Variants in PRKCA observed in about 807,000 individuals in gnomAD.
PRKCA encodes the protein protein kinase C alpha, also known as protein kinase C alpha type.
A neutral mutation model predicts 87.0 loss-of-function variants in PRKCA; 27 were observed. The ratio of observed to expected loss-of-function variants is 0.31; its 90% CI spans 0.23 to 0.43. The LOEUF (loss-of-function observed/expected upper bound fraction) is 0.43. PRKCA is among the 20% of genes least tolerant of loss of function. The probability of loss-of-function intolerance (pLI) is 1.00; values close to 1 mark genes in which losing one functional copy is unlikely to be tolerated. For synonymous variants in PRKCA, 329 were observed against 311.1 expected (o/e 1.06, Z -0.61); for missense variants, 518 against 852.3 (o/e 0.61, Z 4.88).
At chr17:66,475,852 G>A (rs1278203089) in intron 2 of PRKCA, among the ~76,000 whole-genome samples, 3 of 152,090 alleles carry the variant, frequency 2.0e-5, no homozygotes, top group Admixed American at 1.3e-4. Flanking sequence ...CCCTAATTGT[G>A]AGGGGTCCTT....
chr17:66,554,487 G>A lies in PRKCA; in HGVS notation c.288+58204G>A, dbSNP rs183571096. On this transcript the variant is annotated intron_variant, in intron 3 of 16. Transcript: ENST00000413366. ...CTTTGGGCTGGAAGAGAACATTCCC[G>A]TGACTACTCACATCATTTCTATTAC... 1,183 of 906,606 alleles carry A rather than the reference G, an allele frequency of 1.3e-3. 37 individuals are homozygous for A. In the Admixed American group the frequency reaches 0.057, roughly 44 times the overall value. The allele number at this position is 906,606 out of a possible 1,614,324, so 56.2% of individuals were successfully genotyped here. A position where few individuals can be genotyped will look rare whatever the true frequency, so the allele number is the denominator to read the frequency against.
chr17:66,501,291 A>G (rs911016483), intron 3 of PRKCA, among the ~76,000 whole-genome samples: 6 of 152,296 alleles, frequency 3.9e-5, no homozygotes, highest in African/African-American at 1.4e-4. Flanking sequence ...GGCAGAGAAA[A>G]GGCTCCTGGG....
At chr17:66,742,848 A>G in intron 13 of PRKCA, 88 bp downstream of exon 13, 1 of 1,452,338 alleles carries the variant, frequency 6.9e-7, no homozygotes. Context: ...CTGGCGAATC[A>G]TGAAGTCAGT....
At chr17:66,474,234 AC>A (rs1915444639) in intron 2 of PRKCA, among the ~76,000 whole-genome samples, 2 of 152,060 alleles carry the variant, frequency 1.3e-5, no homozygotes, top group Non-Finnish European at 2.9e-5. Flanking sequence ...ACCCAATAAC[AC>A]CGATGGTGCT....
intron 2 of PRKCA, among the ~76,000 whole-genome samples, chr17:66,398,750 C>T (rs181222707): frequency 1.1e-4 from 16 of 152,126 alleles, no homozygotes; most frequent in East Asian, 3.9e-4. Flanking sequence ...GGTGGCGTCG[C>T]GCTACTCATA....
chr17:66,747,404 A>G (rs1018441974), intron 13 of PRKCA, among the ~76,000 whole-genome samples: 1 of 151,942 alleles, frequency 6.6e-6, no homozygotes, highest in Non-Finnish European at 1.5e-5. Context: ...TGCCATGTAG[A>G]GTCTTCCTCA....
At chr17:66,370,863 G>C (rs1355982606) in intron 2 of PRKCA, among the ~76,000 whole-genome samples, 1 of 152,126 alleles carries the variant, frequency 6.6e-6, no homozygotes, top group African/African-American at 2.4e-5. Context: ...AGTTGCTTGA[G>C]AGCAGAGAGT....
At chr17:66,350,098 G>T (rs984864760) in intron 2 of PRKCA, among the ~76,000 whole-genome samples, 8 of 152,180 alleles carry the variant, frequency 5.3e-5, no homozygotes, top group African/African-American at 1.9e-4. Context: ...GGCCTTTCAG[G>T]TGCTGGCAGG....
At chr17:66,334,644 G>T (rs1906548662) in intron 2 of PRKCA, among the ~76,000 whole-genome samples, 1 of 152,200 alleles carries the variant, frequency 6.6e-6, no homozygotes, top group South Asian at 2.1e-4. Context: ...TAGAACTCTT[G>T]TGCATTGCTG....
chr17:66,594,620 T>TTA (rs1969917660), intron 3 of PRKCA, among the ~76,000 whole-genome samples: 1 of 152,006 alleles, frequency 6.6e-6, no homozygotes, highest in African/African-American at 2.4e-5. Context: ...GGTTTTTTTT[T>TTA]AATTTATTTG....
At chr17:66,780,872 C>A (rs749810140) in intron 14 of PRKCA, among the ~76,000 whole-genome samples, 4 of 151,970 alleles carry the variant, frequency 2.6e-5, no homozygotes, top group Non-Finnish European at 5.9e-5. Context: ...CTTTGAGAGG[C>A]CAAGGCGGGC....
chr17:66,764,980 G>A (rs1282706617), intron 13 of PRKCA, among the ~76,000 whole-genome samples: 1 of 152,198 alleles, frequency 6.6e-6, no homozygotes, highest in Non-Finnish European at 1.5e-5. Flanking sequence ...GAACCAGAAT[G>A]GGCCATAGGA....
chr17:66,547,367 T>C (rs370489962), intron 3 of PRKCA, among the ~76,000 whole-genome samples: 1 of 152,054 alleles, frequency 6.6e-6, no homozygotes, highest in Non-Finnish European at 1.5e-5. Flanking sequence ...TCCTGTTACG[T>C]TTTACTGGAT....
intron 3 of PRKCA, among the ~76,000 whole-genome samples, chr17:66,543,862 C>T (rs905377065): frequency 3.9e-5 from 6 of 152,136 alleles, no homozygotes; most frequent in African/African-American, 1.2e-4. Flanking sequence ...GATGGTAAAA[C>T]AGTAGACTCA....
intron 2 of PRKCA, chr17:66,339,985 A>G (rs1030072902): frequency 2.0e-5 from 3 of 152,212 alleles, no homozygotes; most frequent in Non-Finnish European, 2.9e-5. Context: ...TGAAAGGTCT[A>G]CACTATAACT....
At chr17:66,493,988 C>T (rs1916356268) in intron 2 of PRKCA, among the ~76,000 whole-genome samples, 1 of 152,170 alleles carries the variant, frequency 6.6e-6, no homozygotes, top group Admixed American at 6.5e-5. Flanking sequence ...TTGTTTTTGT[C>T]TGTGTTACTC....
At chr17:66,435,054 C>A (rs894036210) in intron 2 of PRKCA, among the ~76,000 whole-genome samples, 1 of 152,132 alleles carries the variant, frequency 6.6e-6, no homozygotes, top group East Asian at 1.9e-4. Flanking sequence ...TGTTTGTATT[C>A]TTGGGAGTAA....
At chr17:66,741,620 G>C in intron 11 of PRKCA, 39 bp from the exon 12 acceptor site, 1 of 1,605,096 alleles carries the variant, frequency 6.2e-7, no homozygotes, top group Non-Finnish European at 8.5e-7. Context: ...GGCATCTAAG[G>C]AAGCAAGTGA....
chr17:66,800,912 G>A (rs1975885573), intron 16 of PRKCA, among the ~76,000 whole-genome samples: 1 of 152,150 alleles, frequency 6.6e-6, no homozygotes, highest in African/African-American at 2.4e-5. Flanking sequence ...CATGGTTAGT[G>A]AGTATCAAGA....
Sources: allele counts gnomAD v4.1 joint callset (sites outside exome capture counted in the v4.1 genomes callset), GRCh38; gene constraint gnomAD v4.1.1; transcripts MANE v1.5; gene names NCBI Gene and HGNC (gene_info 2026-07-23, HGNC 2026-07-21).